KCNQ3: variants seen among roughly 807,000 people sequenced by gnomAD.
KCNQ3 encodes the protein potassium voltage-gated channel subfamily KQT member 3.
Under a neutral mutation model 92.5 loss-of-function variants are expected in KCNQ3, and 30 were observed. The ratio of observed to expected loss-of-function variants is 0.32; its 90% CI spans 0.24 to 0.44. The LOEUF (loss-of-function observed/expected upper bound fraction) is 0.44. KCNQ3 is among the 20% of genes least tolerant of loss of function. The probability of loss-of-function intolerance (pLI) is 1.00; values close to 1 mark genes in which losing one functional copy is unlikely to be tolerated. For synonymous variants in KCNQ3, 450 were observed against 468.8 expected (o/e 0.96, Z 0.52); for missense variants, 913 against 1,140.3 (o/e 0.80, Z 2.87).
chr8:132,407,819 G>A (rs1377854798), intron 1 of KCNQ3, among the ~76,000 whole-genome samples: 2 of 152,158 alleles, frequency 1.3e-5, no homozygotes, highest in Non-Finnish European at 2.9e-5. Flanking sequence ...GCAAAAGACT[G>A]TATCTTTCAC....
chr8:132,324,214 T>G (rs569154269), intron 1 of KCNQ3, among the ~76,000 whole-genome samples: 2 of 152,250 alleles, frequency 1.3e-5, no homozygotes, highest in South Asian at 4.1e-4. Flanking sequence ...GTCAGCATGG[T>G]CAGTTCACCT....
intron 1 of KCNQ3, among the ~76,000 whole-genome samples, chr8:132,392,113 C>A (rs575413910): frequency 2.0e-5 from 3 of 152,148 alleles, no homozygotes; most frequent in East Asian, 3.9e-4. Context: ...CGGCCTCCCC[C>A]CTGGAGAAAC....
At chr8:132,271,937 G>A (rs749372293) in intron 1 of KCNQ3, among the ~76,000 whole-genome samples, 5 of 152,152 alleles carry the variant, frequency 3.3e-5, no homozygotes, top group East Asian at 3.9e-4. Context: ...CCTGTTAGAT[G>A]GTAGTTCTTC....
intron 1 of KCNQ3, among the ~76,000 whole-genome samples, chr8:132,257,809 A>C (rs1366829782): frequency 2.0e-5 from 3 of 151,944 alleles, no homozygotes; most frequent in Non-Finnish European, 2.9e-5. Context: ...AAAAAGATTA[A>C]ATATAAACTA....
At chr8:132,430,936 T>A (rs750115178) in intron 1 of KCNQ3, among the ~76,000 whole-genome samples, 7 of 152,102 alleles carry the variant, frequency 4.6e-5, no homozygotes, top group Non-Finnish European at 8.8e-5. Flanking sequence ...AGCGTCCATA[T>A]CCTTCTCTGG....
chr8:132,448,502 G>GAAAAAAAA, intron 1 of KCNQ3, among the ~76,000 whole-genome samples: 154 of 93,842 alleles, frequency 1.6e-3, no homozygotes, highest in Middle Eastern at 6.0e-3. Flanking sequence ...GGAGAAATAT[G>GAAAAAAAA]AAAAAAAAAA....
chr8:132,229,308 A>T (rs1174874016), intron 1 of KCNQ3, among the ~76,000 whole-genome samples: 1 of 152,116 alleles, frequency 6.6e-6, no homozygotes, highest in East Asian at 1.9e-4. Flanking sequence ...AAGCCATGAA[A>T]GGTGGTACCA....
At chr8:132,255,506 G>T (rs1373864129) in intron 1 of KCNQ3, among the ~76,000 whole-genome samples, 2 of 152,208 alleles carry the variant, frequency 1.3e-5, no homozygotes, top group Non-Finnish European at 2.9e-5. Context: ...AAAACCAAGT[G>T]CATATCTTGT....
chr8:132,473,749 GAGGCCC>G (rs1395806975), intron 1 of KCNQ3, among the ~76,000 whole-genome samples: 2 of 152,150 alleles, frequency 1.3e-5, no homozygotes. Context: ...AGCAAGTTTG[GAGGCCC>G]AAATTTATCT....
At chr8:132,202,814 C>A (rs1827503278) in intron 1 of KCNQ3, among the ~76,000 whole-genome samples, 1 of 152,182 alleles carries the variant, frequency 6.6e-6, no homozygotes, top group Non-Finnish European at 1.5e-5. Context: ...CTTTTTCTAG[C>A]CTGCTCTTCC....
At chr8:132,385,254 C>T (rs1819860367) in intron 1 of KCNQ3, among the ~76,000 whole-genome samples, 1 of 152,244 alleles carries the variant, frequency 6.6e-6, no homozygotes, top group Non-Finnish European at 1.5e-5. Context: ...TCAACTCTTC[C>T]CTCAGCTCAG....
chr8:132,318,706 T>A (rs777197534), intron 1 of KCNQ3, among the ~76,000 whole-genome samples: 5 of 151,938 alleles, frequency 3.3e-5, no homozygotes, highest in South Asian at 2.1e-4. Context: ...GGAGTTACCA[T>A]CATACCAAAA....
chr8:132,157,852 C>T (rs962678343), intron 9 of KCNQ3, among the ~76,000 whole-genome samples: 18 of 152,152 alleles, frequency 1.2e-4, no homozygotes, highest in East Asian at 3.9e-4. Context: ...CGACAGGCCC[C>T]GGTGTGTGAT....
rs1418387998 is a variant in KCNQ3 at position 132,354,798 on chromosome 8, C to A, written c.386+125349G>T. On this transcript the variant is annotated intron_variant, in intron 1 of 14. Coordinates refer to ENST00000388996, the MANE Select transcript of KCNQ3 (RefSeq NM_004519.4). ...TGGAGGCTGAATTCCTGGCCAGTCTCATTTCCTGTACTGCTGGGCTTGTGG... is the reference window on the plus strand; with the variant it reads ...TGGAGGCTGAATTCCTGGCCAGTCTAATTTCCTGTACTGCTGGGCTTGTGG... Among the ~76,000 whole-genome samples the A allele has an allele frequency of 2.0e-5, 3 of 152,368 alleles. No individual in the cohort carries two copies. The East Asian group carries it at 5.8e-4, about 29-fold the overall frequency.
intron 1 of KCNQ3, among the ~76,000 whole-genome samples, chr8:132,473,504 A>G (rs1822338412): frequency 6.6e-6 from 1 of 152,140 alleles, no homozygotes; most frequent in South Asian, 2.1e-4. Flanking sequence ...CTTTTGTTTT[A>G]TTTATTTCTA....
At chr8:132,244,651 G>C (rs1457585863) in intron 1 of KCNQ3, among the ~76,000 whole-genome samples, 2 of 152,152 alleles carry the variant, frequency 1.3e-5, no homozygotes, top group East Asian at 3.9e-4. Context: ...GGAAAATGCA[G>C]ACCCAGACAC....
chr8:132,300,589 T>C (rs1233572751), intron 1 of KCNQ3, among the ~76,000 whole-genome samples: 2 of 152,132 alleles, frequency 1.3e-5, no homozygotes, highest in African/African-American at 2.4e-5. Context: ...CAGGACTCTG[T>C]ACCCATAGCA....
intron 1 of KCNQ3, among the ~76,000 whole-genome samples, chr8:132,346,819 A>C (rs931745591): frequency 6.6e-6 from 1 of 152,074 alleles, no homozygotes; most frequent in East Asian, 1.9e-4. Flanking sequence ...TCTAGTGTGC[A>C]CTCCTCAGAG....
intron 1 of KCNQ3, among the ~76,000 whole-genome samples, chr8:132,294,667 TTGCA>T (rs1354410297): frequency 6.6e-6 from 1 of 152,166 alleles, no homozygotes; most frequent in Non-Finnish European, 1.5e-5. Context: ...GCTGACCACA[TTGCA>T]TCAAGCTGGT....
Sources: gnomAD v4.1 joint callset for allele counts (sites outside exome capture counted in the v4.1 genomes callset) on GRCh38, gnomAD v4.1.1 for gene constraint, MANE v1.5 for transcripts, NCBI Gene and HGNC (gene_info 2026-07-23, HGNC 2026-07-21) for gene names.